Variants in AGBL4 observed in about 807,000 individuals in gnomAD.
AGBL4 encodes the protein AGBL carboxypeptidase 4, also known as cytosolic carboxypeptidase 6.
A neutral mutation model predicts 66.4 loss-of-function variants in AGBL4; 58 were observed. That is an observed-to-expected ratio of 0.87 (90% CI 0.71 to 1.09). The LOEUF (loss-of-function observed/expected upper bound fraction) is 1.09, where lower values mean the gene tolerates loss of function less well. Among genes scored for constraint, AGBL4 ranks in the 50% least tolerant of loss-of-function variants. The pLI is 0.00. For synonymous variants in AGBL4, 234 were observed against 222.9 expected (o/e 1.05, Z -0.44); for missense variants, 579 against 631.0 (o/e 0.92, Z 0.88).
At chr1:49,001,664 T>C (rs1305346607) in intron 5 of AGBL4, among the ~76,000 whole-genome samples, 1 of 152,214 alleles carries the variant, frequency 6.6e-6, no homozygotes, top group South Asian at 2.1e-4. Flanking sequence ...GCCGTGGTGC[T>C]TCCTACATGT....
intron 3 of AGBL4, among the ~76,000 whole-genome samples, chr1:49,425,218 T>C (rs1645629589): frequency 6.6e-6 from 1 of 152,132 alleles, no homozygotes; most frequent in African/African-American, 2.4e-5. Context: ...AATTTTACAT[T>C]ATGAGTCACA....
chr1:49,296,240 G>A (rs1282452147), intron 3 of AGBL4, among the ~76,000 whole-genome samples: 1 of 152,128 alleles, frequency 6.6e-6, no homozygotes, highest in East Asian at 1.9e-4. Flanking sequence ...TTATACAGTT[G>A]AGAAAATAGA....
intron 1 of AGBL4, among the ~76,000 whole-genome samples, chr1:49,947,841 A>G (rs1203411945): frequency 6.8e-6 from 1 of 146,526 alleles, no homozygotes. Flanking sequence ...AGACTTCTTA[A>G]AAGTTTCTGG....
At chr1:49,980,121 G>A (rs886243548) in intron 1 of AGBL4, among the ~76,000 whole-genome samples, 1 of 152,100 alleles carries the variant, frequency 6.6e-6, no homozygotes, top group Non-Finnish European at 1.5e-5. Context: ...CTAGTCAACA[G>A]TAGGCTATGA....
intron 2 of AGBL4, chr1:49,845,454 C>T (rs1394270641): frequency 3.3e-6 from 5 of 1,502,360 alleles, no homozygotes; most frequent in Non-Finnish European, 4.6e-6. Context: ...AAAGCATCCA[C>T]CTCACCCAGC....
chr1:49,256,152 TAAA>T (rs1340867355), intron 3 of AGBL4, among the ~76,000 whole-genome samples: 1 of 151,876 alleles, frequency 6.6e-6, no homozygotes, highest in African/African-American at 2.4e-5. Flanking sequence ...TCCATCAACT[TAAA>T]AGTTAAAAAA....
At chr1:48,846,521 C>A (rs369216735) in intron 6 of AGBL4, among the ~76,000 whole-genome samples, 1 of 152,270 alleles carries the variant, frequency 6.6e-6, no homozygotes, top group Non-Finnish European at 1.5e-5. Context: ...AGGCTTTAGG[C>A]CTTAGATATC....
chr1:49,358,635 G>T (rs904001545), intron 3 of AGBL4, among the ~76,000 whole-genome samples: 1 of 151,962 alleles, frequency 6.6e-6, no homozygotes, highest in Non-Finnish European at 1.5e-5. Flanking sequence ...TTGATTATTG[G>T]TTAGCGCTGA....
At chr1:49,919,531 G>T (rs893785869) in intron 1 of AGBL4, among the ~76,000 whole-genome samples, 1 of 152,062 alleles carries the variant, frequency 6.6e-6, no homozygotes, top group African/African-American at 2.4e-5. Flanking sequence ...CAACTTACAA[G>T]GGATGTGAAG....
At chr1:49,486,114 C>T (rs1033009390) in intron 3 of AGBL4, among the ~76,000 whole-genome samples, 9 of 151,876 alleles carry the variant, frequency 5.9e-5, no homozygotes, top group Admixed American at 5.9e-4. Context: ...CACCTCTTCT[C>T]ACACTGCTTC....
At chr1:48,870,239 T>C (rs1407348217) in intron 5 of AGBL4, among the ~76,000 whole-genome samples, 1 of 152,026 alleles carries the variant, frequency 6.6e-6, no homozygotes, top group Non-Finnish European at 1.5e-5. Context: ...AGTAGGATCC[T>C]AGTGAGAAAG....
At chr1:49,415,164 T>C (rs531997882) in intron 3 of AGBL4, among the ~76,000 whole-genome samples, 1 of 152,276 alleles carries the variant, frequency 6.6e-6, no homozygotes, top group South Asian at 2.1e-4. Context: ...TCTGCTCCGA[T>C]ACATGTTACA....
chr1:48,635,199 C>T (rs536047076), intron 8 of AGBL4, among the ~76,000 whole-genome samples: 5 of 152,266 alleles, frequency 3.3e-5, no homozygotes, highest in African/African-American at 1.2e-4. Flanking sequence ...ACATTTTAGG[C>T]TTGGACTTGG....
chr1:48,681,770 T>C (rs1044233710), intron 6 of AGBL4, among the ~76,000 whole-genome samples: 17 of 152,126 alleles, frequency 1.1e-4, no homozygotes, highest in African/African-American at 3.4e-4. Flanking sequence ...GTTACCTCAC[T>C]CTTGGCTCAA....
At chr1:48,699,063 T>C (rs12096159) in intron 6 of AGBL4, among the ~76,000 whole-genome samples, 16,149 of 152,194 alleles carry the variant, frequency 0.11, 1,620 homozygotes, top group African/African-American at 0.27. Flanking sequence ...TGGTCTCTCA[T>C]GCCTGCCTCT....
chr1:49,637,096 T>A (rs1368164083), intron 3 of AGBL4, among the ~76,000 whole-genome samples: 2 of 152,158 alleles, frequency 1.3e-5, no homozygotes, highest in Non-Finnish European at 2.9e-5. Context: ...CCTTGAACAC[T>A]GGACTCCAAG....
chr1:49,597,008 T>C (rs1445892319), intron 3 of AGBL4, among the ~76,000 whole-genome samples: 3 of 152,214 alleles, frequency 2.0e-5, no homozygotes, highest in Admixed American at 1.3e-4. Flanking sequence ...TTAAAGTGCA[T>C]GCAATCCTGC....
In AGBL4 at chr1:48,978,564, T is replaced by A. The variant is rs527757831; in HGVS notation, c.594+67020A>T. Among the ~76,000 whole-genome samples the A allele has an allele frequency of 5.9e-5, 9 of 152,200 alleles. No individual in the cohort carries two copies. In the South Asian group the frequency reaches 1.9e-3, roughly 32 times the overall value. On this transcript the variant is annotated intron_variant, in intron 5 of 13. Coordinates refer to ENST00000371839, the MANE Select transcript of AGBL4 (RefSeq NM_032785.4). ...AATGCTGCAGAGTCCCTCTCTAAGC[T>A]CCTAGGTCCTGATAACTCCCACTTG... is the stretch of plus-strand genomic sequence containing the variant.
At chr1:49,571,455 C>A (rs1336480083) in intron 3 of AGBL4, among the ~76,000 whole-genome samples, 1 of 151,998 alleles carries the variant, frequency 6.6e-6, no homozygotes, top group Non-Finnish European at 1.5e-5. Context: ...ATTCATTTAT[C>A]AATGCTAAGA....
Sources: allele counts gnomAD v4.1 joint callset (sites outside exome capture counted in the v4.1 genomes callset), GRCh38; gene constraint gnomAD v4.1.1; transcripts MANE v1.5; gene names NCBI Gene and HGNC (gene_info 2026-07-23, HGNC 2026-07-21).